The following PPP2R5C variants were observed in gnomAD, a reference collection of about 807,000 sequenced individuals.
The protein encoded by PPP2R5C is protein phosphatase 2 regulatory subunit B'gamma.
In PPP2R5C, 7 loss-of-function variants were observed where a neutral mutation model predicts 68.9. The observed-to-expected ratio is 0.10, with a 90% confidence interval of 0.06 to 0.19. The LOEUF (loss-of-function observed/expected upper bound fraction) is 0.19. PPP2R5C is among the 10% of genes least tolerant of loss of function. The pLI, the probability that PPP2R5C is intolerant of heterozygous loss-of-function variation, is 1.00. For missense variants in PPP2R5C, 348 were observed against 641.3 expected (o/e 0.54, Z 4.94); for synonymous variants, 210 against 222.2 (o/e 0.95, Z 0.49).
intron 2 of PPP2R5C, chr14:101,765,352 C>T (rs1420973814): frequency 7.5e-6 from 5 of 664,050 alleles, no homozygotes; most frequent in Non-Finnish European, 1.4e-5. Context: ...TTTGAGTTGA[C>T]CCTTAAATTT....
chr14:101,909,480 G>A lies in PPP2R5C; in HGVS notation c.1152-109G>A, dbSNP rs918496128. ...CAGGCCTTGCATTTTAGACCTTAGGGATCCTGTGCGATGTGGGACTGTTGG... is the reference window on the plus strand; with the variant it reads ...CAGGCCTTGCATTTTAGACCTTAGGAATCCTGTGCGATGTGGGACTGTTGG... On this transcript the variant is annotated intron_variant, in intron 10 of 13. Coordinates refer to ENST00000334743, the Ensembl canonical transcript of PPP2R5C. 9.3e-6 allele frequency: 6 copies of A among 642,750 alleles called. No individual in the cohort carries two copies. The African/African-American group carries it at 1.1e-4, about 12-fold the overall frequency. The allele number at this position is 642,750 out of a possible 1,614,324, so 39.8% of individuals were successfully genotyped here.
chr14:101,866,926 A>T (rs1566921919), intron 2 of PPP2R5C, among the ~76,000 whole-genome samples: 2 of 151,840 alleles, frequency 1.3e-5, no homozygotes, highest in Non-Finnish European at 2.9e-5. Flanking sequence ...TACAAAAAAA[A>T]TTTTTTTAGG....
In PPP2R5C at chr14:101,892,020, G is replaced by T. The variant is rs376138282; in HGVS notation, c.690-980G>T. 1.4e-4 allele frequency among the ~76,000 whole-genome samples: 22 copies of T among 152,266 alleles called. No individual in the cohort carries two copies. The East Asian group carries it at 1.7e-3, about 12-fold the overall frequency. On this transcript the variant is annotated intron_variant, in intron 6 of 13. Transcript: ENST00000334743. The stretch of plus-strand genomic sequence containing the variant: ...CACCGAGGCTGGAGTGCAGTGGCCC[G>T]ATCTCAGCTCACTGCAAACTCTGCC...
Position 101,906,556 on chromosome 14 carries a change from T to C in PPP2R5C, c.1151+27T>C. ...TAAGAAAGAACTGGCTGCCATCTTT[T>C]TCAGTCATTTTAAAATATGGCACGT... On this transcript the variant is annotated intron_variant, in intron 10 of 13. Coordinates refer to ENST00000334743, the Ensembl canonical transcript of PPP2R5C. The surrounding 1 kb of genome is among the most constrained non-coding windows in gnomAD (Gnocchi z 4.0). 6.3e-7 allele frequency: 1 copy of C among 1,577,688 alleles called. No homozygotes were observed. The highest frequency in any genetic ancestry group is 8.6e-7 in the Non-Finnish European group (1 of 1,165,050).
intron 12 of PPP2R5C, chr14:101,914,664 CCAG>C (rs1174793055): frequency 6.4e-6 from 1 of 156,428 alleles, no homozygotes; most frequent in Non-Finnish European, 1.4e-5. Flanking sequence ...CAGCACGTAC[CCAG>C]CAGGCGTTGG....
intron 5 of PPP2R5C, among the ~76,000 whole-genome samples, chr14:101,889,268 G>C (rs2044703080): frequency 6.6e-6 from 1 of 152,184 alleles, no homozygotes; most frequent in Non-Finnish European, 1.5e-5. Context: ...CTGATGGGCA[G>C]GGATCTTTCA....
chr14:101,798,499 G>A (rs1400879166), intron 3 of PPP2R5C, among the ~76,000 whole-genome samples: 1 of 152,234 alleles, frequency 6.6e-6, no homozygotes, highest in Non-Finnish European at 1.5e-5. Flanking sequence ...AGGCACAGTG[G>A]TGTGCACCTG....
chr14:101,915,484 C>G lies in PPP2R5C; in HGVS notation c.1327-2347C>G, dbSNP rs1566968353. Reference sequence around the variant, plus strand: ...CTGGTAGCATTCTTGTGTAGGGACACTCTCCTTTGCCCCGAGGGCCAGAGA... The same window carrying G: ...CTGGTAGCATTCTTGTGTAGGGACAGTCTCCTTTGCCCCGAGGGCCAGAGA... On this transcript the variant is annotated intron_variant, in intron 12 of 13. Transcript: ENST00000334743. The surrounding 1 kb of genome is among the most constrained non-coding windows in gnomAD (Gnocchi z 4.2). Among the ~76,000 whole-genome samples the G allele has an allele frequency of 2.0e-5, 3 of 152,112 alleles. No homozygotes were observed. Among genetic ancestry groups the G allele is most frequent in the Non-Finnish European group, 1.5e-5 (1 of 68,018 alleles).
intron 2 of PPP2R5C, among the ~76,000 whole-genome samples, chr14:101,866,693 A>T (rs540614901): frequency 1.5e-4 from 23 of 152,158 alleles, no homozygotes; most frequent in East Asian, 1.9e-4. Context: ...AATAAATAAA[A>T]AAGCTGAAGG....
At chr14:101,860,980 C>G (rs1234864866) in intron 2 of PPP2R5C, among the ~76,000 whole-genome samples, 1 of 152,190 alleles carries the variant, frequency 6.6e-6, no homozygotes, top group African/African-American at 2.4e-5. Context: ...CTAAGTTATA[C>G]CAGCTCCATC....
At chr14:101,804,741 CG>C (rs1007881393) in intron 3 of PPP2R5C, among the ~76,000 whole-genome samples, 2 of 150,522 alleles carry the variant, frequency 1.3e-5, no homozygotes, top group Non-Finnish European at 3.0e-5. Context: ...TGGGGGTTGG[CG>C]GGGGGGATGG....
intron 1 of PPP2R5C, among the ~76,000 whole-genome samples, chr14:101,822,149 A>G (rs946620057): frequency 7.0e-6 from 1 of 143,628 alleles, no homozygotes; most frequent in African/African-American, 2.6e-5. Flanking sequence ...TGGCGCTATC[A>G]GAGCCAGGGT....
chr14:101,802,734 G>A (rs1219508986), intron 3 of PPP2R5C, among the ~76,000 whole-genome samples: 1 of 151,982 alleles, frequency 6.6e-6, no homozygotes, highest in Non-Finnish European at 1.5e-5. Flanking sequence ...AACTGATAAG[G>A]AGTTAATATC....
intron 5 of PPP2R5C, among the ~76,000 whole-genome samples, chr14:101,884,686 C>T (rs979039771): frequency 1.3e-5 from 2 of 152,252 alleles, no homozygotes; most frequent in African/African-American, 2.4e-5. Context: ...GCTCCTTCCA[C>T]GCCAGGGCTC....
intron 9 of PPP2R5C, among the ~76,000 whole-genome samples, chr14:101,905,693 C>G (rs901790262): frequency 6.6e-6 from 1 of 151,996 alleles, no homozygotes; most frequent in South Asian, 2.1e-4. Flanking sequence ...GGGGAACCAC[C>G]CTCTAGTGGC....
chr14:101,795,099 C>T (rs891563340), intron 3 of PPP2R5C, among the ~76,000 whole-genome samples: 3 of 152,210 alleles, frequency 2.0e-5, no homozygotes, highest in African/African-American at 7.2e-5. Flanking sequence ...TTTATTATTT[C>T]ATTCTGTGGA....
At chr14:101,858,882 G>A (rs757836705) in intron 2 of PPP2R5C, among the ~76,000 whole-genome samples, 5 of 152,064 alleles carry the variant, frequency 3.3e-5, no homozygotes, top group South Asian at 2.1e-4. Flanking sequence ...ACCGCCTCTC[G>A]TTTGTATTTC....
At chr14:101,860,195 T>A (rs1015790925) in intron 2 of PPP2R5C, among the ~76,000 whole-genome samples, 1 of 152,122 alleles carries the variant, frequency 6.6e-6, no homozygotes, top group Admixed American at 6.6e-5. Context: ...CTGCCATTGT[T>A]CCCTCCTCCC....
rs191000124 is a variant in PPP2R5C at position 101,772,838 on chromosome 14, G to T, written c.93+9868G>T. On this transcript the variant is annotated intron_variant, in intron 2 of 14. Transcript: ENST00000328724. Reference sequence around the variant, plus strand: ...AAAATAAAGTAATACGGAAATCAAGGTTCTCCCTTCACCTTCCTCCCATTC... The same window carrying T: ...AAAATAAAGTAATACGGAAATCAAGTTTCTCCCTTCACCTTCCTCCCATTC... 4.0e-3 allele frequency among the ~76,000 whole-genome samples: 616 copies of T among 152,186 alleles called. 4 individuals are homozygous for T. The highest frequency in any genetic ancestry group is 5.3e-3 in the Non-Finnish European group (360 of 67,990).
Sources: gnomAD v4.1 joint callset for allele counts (sites outside exome capture counted in the v4.1 genomes callset) on GRCh38, gnomAD v4.1.1 for gene constraint, Gnocchi (gnomAD v3.1) non-coding constraint, MANE v1.5 for transcripts, NCBI Gene and HGNC (gene_info 2026-07-23, HGNC 2026-07-21) for gene names.